The following RXRA variants were observed in gnomAD, a reference collection of about 807,000 sequenced individuals.
RXRA encodes the protein retinoic acid receptor RXR-alpha.
In RXRA, 5 loss-of-function variants were observed where a neutral mutation model predicts 44.5. The observed-to-expected ratio is 0.11, with a 90% CI of 0.06 to 0.24. The LOEUF (loss-of-function observed/expected upper bound fraction) is 0.24. RXRA is among the 10% of genes least tolerant of loss of function. The pLI, the probability that RXRA is intolerant of heterozygous loss-of-function variation, is 1.00. For synonymous variants in RXRA, 291 were observed against 271.4 expected (o/e 1.07, Z -0.71); for missense variants, 412 against 646.5 (o/e 0.64, Z 3.93).
chr9:134,352,041 G>T (rs1830227994), intron 1 of RXRA, among the ~76,000 whole-genome samples: 1 of 152,234 alleles, frequency 6.6e-6, no homozygotes, highest in Non-Finnish European at 1.5e-5. Flanking sequence ...CCAGAGGGCG[G>T]CTCGGGGCAG....
chr9:134,408,098 A>AG, intron 2 of RXRA, 51 bp from the exon 3 acceptor site: 1 of 1,439,060 alleles, frequency 6.9e-7, no homozygotes, highest in Non-Finnish European at 9.3e-7. Flanking sequence ...TGGGGGACAT[A>AG]GGGACAAACC....
chr9:134,409,137 G>A lies in RXRA; in HGVS notation c.610+18G>A, dbSNP rs202082045. On this transcript the variant is annotated intron_variant, in intron 4 of 9. Transcript: ENST00000481739. Reference sequence around the variant, plus strand: ...GCGGGAAGGTAGGCCACGGCGTCGGGTGGGGGCGCGGGCAGGTGTTGGACA... The same window carrying A: ...GCGGGAAGGTAGGCCACGGCGTCGGATGGGGGCGCGGGCAGGTGTTGGACA... The A allele has an allele frequency of 7.8e-6, 12 of 1,531,152 alleles. No homozygotes were observed. Among genetic ancestry groups the A allele is most frequent in the South Asian group, 5.0e-5 (4 of 80,330 alleles). The allele number at this position is 1,531,152 out of a possible 1,614,324, so 94.8% of individuals were successfully genotyped here.
At chr9:134,326,742 C>T (rs1289653337) in intron 1 of RXRA, 83 bp downstream of exon 1, 2 of 250,936 alleles carry the variant, frequency 8.0e-6, no homozygotes, top group Non-Finnish European at 1.2e-5. Flanking sequence ...GCGTTGGCGG[C>T]GCGCGCGGGG....
At chr9:134,416,080 C>T (rs946699943) in intron 4 of RXRA, among the ~76,000 whole-genome samples, 9 of 151,962 alleles carry the variant, frequency 5.9e-5, no homozygotes, top group Admixed American at 2.0e-4. Flanking sequence ...GGGAAGGGGA[C>T]GTGTCTCGGG....
chr9:134,328,852 C>G (rs564754182), intron 1 of RXRA, among the ~76,000 whole-genome samples: 91 of 152,294 alleles, frequency 6.0e-4, no homozygotes, highest in Admixed American at 1.2e-3. Context: ...CATTCACTAC[C>G]GCTGGGCTTG....
chr9:134,408,897 G>A, intron 3 of RXRA, 43 bp from the exon 4 acceptor site: 1 of 1,441,180 alleles, frequency 6.9e-7, no homozygotes, highest in Non-Finnish European at 9.2e-7. Context: ...CTCCCTGCCG[G>A]GGCGGTGGGT....
At chr9:134,380,216 G>T (rs1830622354) in intron 1 of RXRA, 2 of 979,902 alleles carry the variant, frequency 2.0e-6, no homozygotes, top group African/African-American at 1.8e-5. Flanking sequence ...TGGCGTGCCG[G>T]CCCCGTGAGT....
chr9:134,394,539 G>A (rs1404614987), intron 1 of RXRA, among the ~76,000 whole-genome samples: 1 of 152,142 alleles, frequency 6.6e-6, no homozygotes, highest in Non-Finnish European at 1.5e-5. Flanking sequence ...TGCCCTGGCA[G>A]CTCGCGGAGG....
At chr9:134,429,481 T>C (rs953880726) in intron 7 of RXRA, among the ~76,000 whole-genome samples, 4 of 152,266 alleles carry the variant, frequency 2.6e-5, no homozygotes, top group African/African-American at 9.6e-5. Flanking sequence ...CTCTTCTTTT[T>C]TCACGATCCC....
intron 1 of RXRA, among the ~76,000 whole-genome samples, chr9:134,391,145 A>G (rs1055365493): frequency 6.6e-6 from 1 of 152,170 alleles, no homozygotes. Context: ...GGCCGGCCCC[A>G]TGCCAGGCCC....
intron 8 of RXRA, 44 bp from the exon 9 acceptor site, chr9:134,434,058 C>T: frequency 6.7e-7 from 1 of 1,496,706 alleles, no homozygotes; most frequent in Non-Finnish European, 9.3e-7. Flanking sequence ...GTGCCCGAGA[C>T]ACGCCCCAGC....
At chr9:134,412,081 C>T (rs1053907985) in intron 4 of RXRA, among the ~76,000 whole-genome samples, 1 of 152,250 alleles carries the variant, frequency 6.6e-6, no homozygotes, top group Non-Finnish European at 1.5e-5. Flanking sequence ...CCCCTCTCTC[C>T]TCTTGGGCAA....
intron 1 of RXRA, among the ~76,000 whole-genome samples, chr9:134,347,373 G>C (rs1554748953): frequency 6.6e-6 from 1 of 152,258 alleles, no homozygotes; most frequent in Non-Finnish European, 1.5e-5. Flanking sequence ...CTCGTGGTCA[G>C]CCTGCCTTTG....
At chr9:134,329,983 A>G (rs1834977689) in intron 1 of RXRA, among the ~76,000 whole-genome samples, 1 of 152,122 alleles carries the variant, frequency 6.6e-6, no homozygotes, top group African/African-American at 2.4e-5. Context: ...CCTCAGCTGC[A>G]TGGAAGGTGG....
rs548727123 is a variant in RXRA, at chr9:134,373,077, C to G, written c.29-28555C>G. On this transcript the variant is annotated intron_variant, in intron 1 of 9. Coordinates refer to ENST00000481739, the MANE Select transcript of RXRA (RefSeq NM_002957.6). ...AGGGGAGGGGCCCTGGAGACCAGTC[C>G]GTTATGGATGAGGAAGCGGGTGCCC... Among the ~76,000 whole-genome samples the G allele has an allele frequency of 3.3e-5, 5 of 152,234 alleles. No homozygotes were observed. The South Asian group carries it at 1.0e-3, about 32-fold the overall frequency.
At chr9:134,390,702 C>A (rs1017835530) in intron 1 of RXRA, among the ~76,000 whole-genome samples, 2 of 152,172 alleles carry the variant, frequency 1.3e-5, no homozygotes, top group African/African-American at 4.8e-5. Flanking sequence ...GGAGGGCGCC[C>A]ATGTTGGGGT....
intron 1 of RXRA, among the ~76,000 whole-genome samples, chr9:134,400,223 C>T (rs1040779215): frequency 6.6e-6 from 1 of 152,212 alleles, no homozygotes; most frequent in African/African-American, 2.4e-5. Context: ...GGGCTTCCTC[C>T]CGCTCTAGCC....
chr9:134,340,064 T>C (rs1201637565), intron 1 of RXRA, among the ~76,000 whole-genome samples: 1 of 152,106 alleles, frequency 6.6e-6, no homozygotes, highest in Non-Finnish European at 1.5e-5. Context: ...TCCCTGTCCC[T>C]GTGTGAGTGT....
chr9:134,434,215 C>T lies in RXRA; in HGVS notation c.1241+8C>T, dbSNP rs1348251201. On this transcript the variant is annotated splice_region_variant and intron_variant, in intron 9 of 9. Coordinates refer to ENST00000481739, the MANE Select transcript of RXRA (RefSeq NM_002957.6). ...CCCAGAGCAGCCGGGAAGGTGGGTCCCGCCCCGTCCCACACACACCCCAGA... is the reference window on the plus strand; with the variant it reads ...CCCAGAGCAGCCGGGAAGGTGGGTCTCGCCCCGTCCCACACACACCCCAGA... 6.2e-7 allele frequency: 1 copy of T among 1,600,056 alleles called. No individual in the cohort carries two copies.
Sources: gnomAD v4.1 joint callset for allele counts (sites outside exome capture counted in the v4.1 genomes callset) on GRCh38, gnomAD v4.1.1 for gene constraint, MANE v1.5 for transcripts, NCBI Gene and HGNC (gene_info 2026-07-23, HGNC 2026-07-21) for gene names.